GBF1: variants seen among roughly 807,000 people sequenced by gnomAD.
GBF1 encodes Golgi-specific brefeldin A-resistance guanine nucleotide exchange factor 1.
Under a neutral mutation model 210.5 loss-of-function variants are expected in GBF1, and 114 were observed. The observed-to-expected ratio is 0.54, with a 90% CI of 0.47 to 0.63. The LOEUF (loss-of-function observed/expected upper bound fraction) is 0.63, where lower values mean the gene tolerates loss of function less well. GBF1 is among the 30% of genes least tolerant of loss of function. The probability of loss-of-function intolerance (pLI) is 0.00; values close to 1 mark genes in which losing one functional copy is unlikely to be tolerated. For missense variants in GBF1, 1,851 were observed against 2,357.7 expected (o/e 0.79, Z 4.45); for synonymous variants, 850 against 889.2 (o/e 0.96, Z 0.78).
intron 3 of GBF1, among the ~76,000 whole-genome samples, chr10:102,340,086 T>A (rs2058069060): frequency 6.6e-6 from 1 of 151,140 alleles, no homozygotes; most frequent in Admixed American, 6.6e-5. Context: ...CCCCAGTAGC[T>A]GGGACTACAG....
At chr10:102,292,386 A>G (rs1288059799) in intron 3 of GBF1, among the ~76,000 whole-genome samples, 4 of 151,450 alleles carry the variant, frequency 2.6e-5, no homozygotes. Context: ...AATTAAAGAC[A>G]GGGCCTTGCT....
intron 7 of GBF1, among the ~76,000 whole-genome samples, chr10:102,352,821 G>A (rs1423727300): frequency 6.6e-6 from 1 of 152,200 alleles, no homozygotes; most frequent in African/African-American, 2.4e-5. Flanking sequence ...CAGAGAGGAA[G>A]CCAAACTCAA....
chr10:102,332,229 G>A (rs1044608182), intron 3 of GBF1, among the ~76,000 whole-genome samples: 5 of 152,066 alleles, frequency 3.3e-5, no homozygotes, highest in Admixed American at 3.3e-4. Context: ...TATGTAAATA[G>A]TTATACCATA....
intron 1 of GBF1, among the ~76,000 whole-genome samples, chr10:102,252,362 A>G (rs966775392): frequency 3.3e-5 from 5 of 151,386 alleles, no homozygotes; most frequent in Non-Finnish European, 4.4e-5. Context: ...AAGTGGAAAA[A>G]TAAATAAATA....
intron 3 of GBF1, among the ~76,000 whole-genome samples, chr10:102,260,724 G>T (rs1327785204): frequency 6.6e-6 from 1 of 151,622 alleles, no homozygotes; most frequent in Non-Finnish European, 1.5e-5. Flanking sequence ...GTGATCCACT[G>T]CCTCGGCCTC....
chr10:102,262,795 T>C (rs1207326905), intron 3 of GBF1, among the ~76,000 whole-genome samples: 1 of 152,182 alleles, frequency 6.6e-6, no homozygotes, highest in Admixed American at 6.5e-5. Flanking sequence ...CAAAGTTGAG[T>C]CTGACGCCTG....
chr10:102,258,791 AAAAG>A (rs1189324559), intron 1 of GBF1, 134 bp from the exon 2 acceptor site: 90 of 476,574 alleles, frequency 1.9e-4, no homozygotes, highest in East Asian at 1.3e-3. Context: ...AAAAAAAAAA[AAAAG>A]AAAGAAAGAA....
the GBF1 span, among the ~76,000 whole-genome samples, chr10:102,235,500 C>T: frequency 6.2e-4 from 94 of 152,292 alleles, no homozygotes; most frequent in African/African-American, 2.2e-3. Context: ...TCTCTGAGCA[C>T]ATTTCTTCAT....
chr10:102,301,228 C>G (rs1489048601), intron 3 of GBF1, among the ~76,000 whole-genome samples: 1 of 152,140 alleles, frequency 6.6e-6, no homozygotes, highest in African/African-American at 2.4e-5. Context: ...CAAAGCACAT[C>G]TTGCACCACC....
At chr10:102,240,268 T>C in the GBF1 span, among the ~76,000 whole-genome samples, 1 of 152,216 alleles carries the variant, frequency 6.6e-6, no homozygotes, top group Non-Finnish European at 1.5e-5. Flanking sequence ...CCTTTCCTGG[T>C]CTTGATTCCC....
At chr10:102,362,068 T>C (rs1410970093) in intron 14 of GBF1, among the ~76,000 whole-genome samples, 156 bp downstream of exon 14, 1 of 140,968 alleles carries the variant, frequency 7.1e-6, no homozygotes, top group African/African-American at 2.6e-5. Context: ...TTTTTTTTTT[T>C]TTTTTTGAGA....
chr10:102,368,781 G>A lies in GBF1; in HGVS notation c.2922G>A (p.Val974=). Residue 974 remains valine (V), a synonymous_variant, in exon 23 of 40, where the codon GTG becomes GTA. Transcript: ENST00000369983. The part of the protein sequence containing the change: ...MISAHYGLSD[V]FDNLIISLCK... ...CCGCCCACTATGGCCTCAGCGATGT[G>A]TTTGACAATCTCATCATCTCTCTAT... 6.2e-7 allele frequency: 1 copy of A among 1,613,726 alleles called. No individual in the cohort carries two copies. Among genetic ancestry groups the A allele is most frequent in the Non-Finnish European group, 8.5e-7 (1 of 1,179,642 alleles).
upstream of GBF1, among the ~76,000 whole-genome samples, chr10:102,242,832 GGAA>G (rs1459249735): frequency 1.3e-5 from 2 of 151,894 alleles, no homozygotes; most frequent in East Asian, 1.9e-4. Context: ...GGGAGGCTGA[GGAA>G]GAAGAATGGC....
intron 4 of GBF1, among the ~76,000 whole-genome samples, chr10:102,344,705 C>T (rs755313550): frequency 1.3e-5 from 2 of 152,080 alleles, no homozygotes; most frequent in Non-Finnish European, 2.9e-5. Context: ...TGGTTTCGAT[C>T]TCCTGACCTC....
At chr10:102,304,984 A>T (rs1317628415) in intron 3 of GBF1, among the ~76,000 whole-genome samples, 2 of 44,852 alleles carry the variant, frequency 4.5e-5, no homozygotes, top group African/African-American at 9.0e-5. Flanking sequence ...CACATCTCTT[A>T]AAAAAAAAGA....
intron 3 of GBF1, among the ~76,000 whole-genome samples, chr10:102,269,193 G>A (rs1167458174): frequency 2.0e-5 from 3 of 152,182 alleles, no homozygotes; most frequent in Admixed American, 2.0e-4. Flanking sequence ...TGCCACATGT[G>A]CACAGATCAC....
chr10:102,370,968 C>G, intron 29 of GBF1, 108 bp downstream of exon 29: 1 of 1,093,506 alleles, frequency 9.1e-7, no homozygotes, highest in Non-Finnish European at 1.3e-6. Flanking sequence ...TGCCCCATAG[C>G]ATGAGTCCAG....
Position 102,365,599 on chromosome 10 carries a change from G to C in GBF1, c.2309G>C (p.Ser770Thr), listed in dbSNP as rs1442861552. ...KNIDLLESFV[S>T]TFSFQGLRLD... ...ATTGACCTGTTGGAGAGCTTTGTGA[G>C]GTGAGGAAGCTGTAAGAAATGTGGG... Residue 770 changes from serine to threonine, a missense_variant and splice_region_variant, in exon 18 of 40, where the codon AGC (serine) becomes ACC (threonine). Transcript: ENST00000369983. 1 of 1,613,180 alleles carries C rather than the reference G, an allele frequency of 6.2e-7. No individual in the cohort carries two copies.
chr10:102,273,676 T>C (rs547110074), intron 3 of GBF1, among the ~76,000 whole-genome samples: 2 of 152,356 alleles, frequency 1.3e-5, no homozygotes, highest in Non-Finnish European at 2.9e-5. Flanking sequence ...CCCTTGACTT[T>C]TGGGAATGAG....
Sources: allele counts gnomAD v4.1 joint callset (sites outside exome capture counted in the v4.1 genomes callset), GRCh38; gene constraint gnomAD v4.1.1; transcripts MANE v1.5; gene names NCBI Gene and HGNC (gene_info 2026-07-23, HGNC 2026-07-21).